The following ERBB4 variants were observed in gnomAD, a reference collection of about 807,000 sequenced individuals.
ERBB4 encodes the protein erb-b2 receptor tyrosine kinase 4, also known as receptor tyrosine-protein kinase erbB-4.
In ERBB4, 42 loss-of-function variants were observed where a neutral mutation model predicts 158.0. That is an observed-to-expected ratio of 0.27 (90% CI 0.21 to 0.34). The LOEUF (loss-of-function observed/expected upper bound fraction) is 0.34. Ranked by LOEUF, ERBB4 falls within the 10% of genes least tolerant of loss-of-function variation. The probability of loss-of-function intolerance (pLI) is 1.00; values close to 1 mark genes in which losing one functional copy is unlikely to be tolerated. For missense variants in ERBB4, 1,333 were observed against 1,624.1 expected (o/e 0.82, Z 3.08); for synonymous variants, 583 against 558.7 (o/e 1.04, Z -0.61).
rs766321838 is a variant in ERBB4, at chr2:211,420,574, C to T, written c.3002G>A (p.Ser1001Asn). 1 of 1,612,956 alleles carries T rather than the reference C, an allele frequency of 6.2e-7. No homozygotes were observed. Among genetic ancestry groups the T allele is most frequent in the Non-Finnish European group, 8.5e-7 (1 of 1,179,218 alleles). ...ATCCAAGAGATTCTGAAAGAACTTG[C>T]TGTCATTTGGACTGGGAAGCTTCAT... ...DRMKLPSPND[S>N]KFFQNLLDEE... is the part of the protein sequence containing the mutation. The change falls in exon 25 of 28, where the codon AGC becomes AAC. Residue 1001 changes from serine to asparagine, a missense_variant. Coordinates refer to ENST00000342788, the MANE Select transcript of ERBB4 (RefSeq NM_005235.3).
At chr2:212,460,508 C>A (rs993340177) in intron 1 of ERBB4, among the ~76,000 whole-genome samples, 3 of 152,150 alleles carry the variant, frequency 2.0e-5, no homozygotes, top group Non-Finnish European at 4.4e-5. Context: ...TTCTTGGGAA[C>A]TGGAGCCAAG....
chr2:211,912,889 G>A (rs2079573908), intron 3 of ERBB4, among the ~76,000 whole-genome samples: 1 of 152,156 alleles, frequency 6.6e-6, no homozygotes, highest in African/African-American at 2.4e-5. Flanking sequence ...CTACCTGTGA[G>A]GGTTCATCTA....
At position 212,003,209 on chromosome 2, in the gene ERBB4, GAAA is replaced by G. The variant is rs1173420754; in HGVS notation, c.235-55596_235-55594del. Among the ~76,000 whole-genome samples the G allele has an allele frequency of 9.1e-3, 472 of 51,620 alleles. 23 individuals are homozygous for G. The highest frequency in any genetic ancestry group is 0.013 in the Non-Finnish European group (258 of 19,954). 33.9% of individuals were successfully genotyped at this position (51,620 alleles called of 152,430 possible). Reference sequence around the variant, plus strand: ...AGAAAGAAAGAAAGAAAGAAAGACAGAAAGAAGGAAGGAAGGAAGGAAGGAAGG... The same window carrying G: ...AGAAAGAAAGAAAGAAAGAAAGACAGGAAGGAAGGAAGGAAGGAAGGAAGG... On this transcript the variant is annotated intron_variant, in intron 2 of 27. Transcript: ENST00000342788.
chr2:211,562,119 C>A (rs1298234881), intron 19 of ERBB4, 31 bp from the exon 20 acceptor site: 2 of 1,596,196 alleles, frequency 1.3e-6, no homozygotes, highest in Non-Finnish European at 1.7e-6. Context: ...ACCATGATTT[C>A]AACTCAAATT....
intron 1 of ERBB4, among the ~76,000 whole-genome samples, chr2:212,310,525 A>G (rs1381469224): frequency 2.0e-5 from 3 of 150,616 alleles, no homozygotes; most frequent in South Asian, 2.1e-4. Flanking sequence ...ATGAGATTTC[A>G]ATTTACTTTG....
intron 20 of ERBB4, among the ~76,000 whole-genome samples, chr2:211,548,077 G>A (rs955570377): frequency 1.8e-4 from 27 of 152,062 alleles, no homozygotes; most frequent in African/African-American, 6.3e-4. Context: ...TGGGACCTGT[G>A]CTCTATAAAC....
chr2:212,234,852 T>G (rs1221697634), intron 1 of ERBB4, among the ~76,000 whole-genome samples: 1 of 152,146 alleles, frequency 6.6e-6, no homozygotes, highest in East Asian at 1.9e-4. Flanking sequence ...AATTTGTTTT[T>G]CTTTGTAGAT....
intron 2 of ERBB4, among the ~76,000 whole-genome samples, chr2:211,955,575 ACTGTGAC>A (rs1483255298): frequency 6.6e-6 from 1 of 152,070 alleles, no homozygotes; most frequent in Non-Finnish European, 1.5e-5. Flanking sequence ...TATACAGCAA[ACTGTGAC>A]CTAATTAGTA....
intron 20 of ERBB4, among the ~76,000 whole-genome samples, chr2:211,521,483 A>G (rs570404081): frequency 3.0e-4 from 46 of 152,208 alleles, no homozygotes; most frequent in Non-Finnish European, 5.4e-4. Context: ...AGGCATCTCC[A>G]TAACATAAAA....
intron 2 of ERBB4, among the ~76,000 whole-genome samples, chr2:211,975,948 G>A (rs1010126032): frequency 1.3e-5 from 2 of 151,948 alleles, no homozygotes; most frequent in South Asian, 4.1e-4. Context: ...ATTATTTTCT[G>A]TACTTAACCA....
chr2:212,226,166 G>T (rs532248735), intron 1 of ERBB4, among the ~76,000 whole-genome samples: 516 of 152,196 alleles, frequency 3.4e-3, no homozygotes, highest in Middle Eastern at 0.01. Flanking sequence ...CCCCAGAATG[G>T]CCTCTAGGTT....
At chr2:211,422,575 T>C (rs944903288) in intron 23 of ERBB4, among the ~76,000 whole-genome samples, 7 of 151,816 alleles carry the variant, frequency 4.6e-5, no homozygotes, top group Admixed American at 2.0e-4. Flanking sequence ...CTAGCTTGTC[T>C]AGTATAAAAA....
intron 1 of ERBB4, among the ~76,000 whole-genome samples, chr2:212,180,856 T>G (rs2081836598): frequency 6.6e-6 from 1 of 151,686 alleles, no homozygotes; most frequent in South Asian, 2.1e-4. Context: ...TACTGACAAG[T>G]AGTTATGGCC....
chr2:212,446,998 T>C (rs953731159), intron 1 of ERBB4, among the ~76,000 whole-genome samples: 1 of 148,092 alleles, frequency 6.8e-6, no homozygotes, highest in Non-Finnish European at 1.5e-5. Flanking sequence ...AATTTTTCTT[T>C]TTTTTTTTTT....
chr2:211,511,876 T>C (rs1443033423), intron 20 of ERBB4, among the ~76,000 whole-genome samples: 4 of 152,128 alleles, frequency 2.6e-5, no homozygotes, highest in Admixed American at 1.3e-4. Context: ...CATAATCCTT[T>C]AAAATGGTGT....
At chr2:211,765,079 T>A (rs370915212) in intron 4 of ERBB4, among the ~76,000 whole-genome samples, 33 of 152,174 alleles carry the variant, frequency 2.2e-4, no homozygotes, top group African/African-American at 7.5e-4. Flanking sequence ...AAGGTGCCCC[T>A]CCCCATCTCA....
chr2:211,392,783 T>A (rs1036141871), intron 25 of ERBB4, among the ~76,000 whole-genome samples: 1 of 152,108 alleles, frequency 6.6e-6, no homozygotes, highest in African/African-American at 2.4e-5. Context: ...ATTCTCTGCC[T>A]CAGCCTCCCG....
At chr2:211,877,862 C>T (rs1360338206) in intron 3 of ERBB4, among the ~76,000 whole-genome samples, 1 of 152,174 alleles carries the variant, frequency 6.6e-6, no homozygotes, top group Non-Finnish European at 1.5e-5. Flanking sequence ...AATCCCAGCA[C>T]TTTGGGAGGC....
intron 3 of ERBB4, among the ~76,000 whole-genome samples, chr2:211,833,363 T>C (rs895443057): frequency 1.3e-5 from 2 of 152,152 alleles, no homozygotes; most frequent in African/African-American, 2.4e-5. Context: ...AGTGTTCCAC[T>C]GAAAAGAAAC....
Sources: gnomAD v4.1 joint callset for allele counts (sites outside exome capture counted in the v4.1 genomes callset) on GRCh38, gnomAD v4.1.1 for gene constraint, MANE v1.5 for transcripts, NCBI Gene and HGNC (gene_info 2026-07-23, HGNC 2026-07-21) for gene names.